The following PDCD5 variants were observed in gnomAD, a reference collection of about 807,000 sequenced individuals.
PDCD5 encodes programmed cell death 5.
In PDCD5, 23 loss-of-function variants were observed where a neutral mutation model predicts 21.9. That is an observed-to-expected ratio of 1.05 (90% confidence interval 0.76 to 1.49). PDCD5 has a LOEUF of 1.49. PDCD5 is among the 40% of genes most tolerant of loss of function. The pLI is 0.00. For missense variants in PDCD5, 152 were observed against 147.7 expected (o/e 1.03, Z -0.15); for synonymous variants, 45 against 49.4 (o/e 0.91, Z 0.37).
intron 2 of PDCD5, among the ~76,000 whole-genome samples, chr19:32,584,022 G>A (rs1210448828): frequency 6.6e-6 from 1 of 151,758 alleles, no homozygotes; most frequent in African/African-American, 2.4e-5. Context: ...AGTAGAGATG[G>A]GGTTTCACCA....
rs966082130 is a variant in PDCD5, at chr19:32,586,492, G to A, written c.259-366G>A. 3 of 1,099,662 alleles carry A rather than the reference G, an allele frequency of 2.7e-6. No homozygotes were observed. The African/African-American group carries it at 4.9e-5, about 18-fold the overall frequency. 68.1% of individuals were successfully genotyped at this position (1,099,662 alleles called of 1,614,324 possible). ...GAGTGTGACTTACCTCCTTCAAGGG[G>A]ATGTTTAAGCTTCTCGGGCAGAAGT... On this transcript the variant is annotated intron_variant, in intron 4 of 5. Coordinates refer to ENST00000590247, the MANE Select transcript of PDCD5 (RefSeq NM_004708.4).
rs1401500572 is a variant in PDCD5, at chr19:32,586,659, G to A, written c.259-199G>A. 2.3e-6 allele frequency: 3 copies of A among 1,300,420 alleles called. No individual in the cohort carries two copies. In the African/African-American group the frequency reaches 4.6e-5, roughly 20 times the overall value. 80.6% of individuals were successfully genotyped at this position (1,300,420 alleles called of 1,614,324 possible). On this transcript the variant is annotated intron_variant, in intron 4 of 5. Transcript: ENST00000590247. Reference sequence around the variant, plus strand: ...ATGGATACTTCCCCCTCCTTCTCAAGTGAGGAATAGCAGAGCAAATTTTAT... The same window carrying A: ...ATGGATACTTCCCCCTCCTTCTCAAATGAGGAATAGCAGAGCAAATTTTAT...
intron 2 of PDCD5, 57 bp from the exon 3 acceptor site, chr19:32,584,893 A>G (rs1971461425): frequency 7.9e-6 from 11 of 1,389,968 alleles, no homozygotes; most frequent in Admixed American, 1.7e-5. Context: ...CTCGTATGTT[A>G]CATGGGAATG....
chr19:32,582,173 AATTT>A lies in PDCD5; in HGVS notation c.67-20_67-17del. Reference sequence around the variant, plus strand: ...CGCCTCCCGTGAAATTTCTCTATTAAATTTAAGTTTTTTTTTTCCAGGATCCTGG... The same window carrying A: ...CGCCTCCCGTGAAATTTCTCTATTAAAAGTTTTTTTTTTCCAGGATCCTGG... On this transcript the variant is annotated intron_variant, in intron 1 of 5. Transcript: ENST00000590247. 1 of 1,599,204 alleles carries A rather than the reference AATTT, an allele frequency of 6.3e-7. No individual in the cohort carries two copies. The highest frequency in any genetic ancestry group is 8.6e-7 in the Non-Finnish European group (1 of 1,168,308).
intron 2 of PDCD5, among the ~76,000 whole-genome samples, chr19:32,582,706 T>A (rs1222673608): frequency 2.6e-5 from 4 of 152,236 alleles, no homozygotes; most frequent in African/African-American, 9.6e-5. Flanking sequence ...AAATTGTGGT[T>A]AAATAAAATT....
intron 1 of PDCD5, chr19:32,581,573 C>T (rs998696503): frequency 1.1e-5 from 4 of 354,602 alleles, no homozygotes; most frequent in Non-Finnish European, 2.0e-5. Flanking sequence ...GTGTGGGGTC[C>T]CCTAGCCTGG....
At chr19:32,586,445 G>A in intron 4 of PDCD5, 1 of 1,117,976 alleles carries the variant, frequency 8.9e-7, no homozygotes, top group African/African-American at 1.6e-5. Flanking sequence ...GTGGGAGAGA[G>A]CTGGTTGGGT....
Position 32,587,390 on chromosome 19 carries a change from C to T in PDCD5, c.*90C>T. On this transcript the variant is annotated 3_prime_UTR_variant, in exon 6 of 6. Coordinates refer to ENST00000590247, the MANE Select transcript of PDCD5 (RefSeq NM_004708.4). ...ATTTACTTTGTTTATTGTCTATATG[C>T]CTTTTAAAAAAATAAACTTGTTATG... 1 of 824,594 alleles carries T rather than the reference C, an allele frequency of 1.2e-6. No individual in the cohort carries two copies. The highest frequency in any genetic ancestry group is 2.8e-5 in the East Asian group (1 of 36,318). 51.1% of individuals were successfully genotyped at this position (824,594 alleles called of 1,614,324 possible). A position where few individuals can be genotyped will look rare whatever the true frequency, so the allele number is the denominator to read the frequency against.
chr19:32,586,205 A>G (rs1971474828), intron 4 of PDCD5: 1 of 1,443,962 alleles, frequency 6.9e-7, no homozygotes, highest in Non-Finnish European at 9.0e-7. Flanking sequence ...CAGTAACACC[A>G]ATTAAAATAC....
In PDCD5 at chr19:32,587,321, A is replaced by G. The variant is rs370281361; in HGVS notation, c.*21A>G. ...ATTGAACTACAAGTGCTCACAGACT[A>G]GAACTTAACGGAACAAGTCTAGGAC... On this transcript the variant is annotated 3_prime_UTR_variant, in exon 6 of 6. Transcript: ENST00000590247. 168 of 1,556,296 alleles carry G rather than the reference A, an allele frequency of 1.1e-4. No individual in the cohort carries two copies. The African/African-American group carries it at 2.2e-3, about 20-fold the overall frequency.
chr19:32,586,934 G>A lies in PDCD5; in HGVS notation c.330+5G>A. The A allele has an allele frequency of 6.2e-7, 1 of 1,606,312 alleles. No homozygotes were observed. Among genetic ancestry groups the A allele is most frequent in the Non-Finnish European group, 8.5e-7 (1 of 1,174,550 alleles). ...GAAAAGACAACAACAGTGAAAGTAA[G>A]TGTCCCCAGATGCTTGTGGCAAATG... is the stretch of plus-strand genomic sequence containing the variant. On this transcript the variant is annotated splice_donor_5th_base_variant and intron_variant, in intron 5 of 5. Coordinates refer to ENST00000590247, the MANE Select transcript of PDCD5 (RefSeq NM_004708.4).
chr19:32,584,354 GAAAC>G (rs1212378535), intron 2 of PDCD5, among the ~76,000 whole-genome samples: 1 of 152,158 alleles, frequency 6.6e-6, no homozygotes, highest in African/African-American at 2.4e-5. Context: ...AAAGAAAAAA[GAAAC>G]AAGTCCATGA....
At position 32,582,250 on chromosome 19, in the gene PDCD5, G is replaced by T. The variant is rs1240073656; in HGVS notation, c.104+18G>T. ...AAGCACAGGTATGGGCTGGAAACGTGAACTTTTTGAAGGGTGGTTTCACCA... is the reference window on the plus strand; with the variant it reads ...AAGCACAGGTATGGGCTGGAAACGTTAACTTTTTGAAGGGTGGTTTCACCA... On this transcript the variant is annotated intron_variant, in intron 2 of 5. Transcript: ENST00000590247. 5 of 1,602,546 alleles carry T rather than the reference G, an allele frequency of 3.1e-6. No individual in the cohort carries two copies. Among genetic ancestry groups the T allele is most frequent in the African/African-American group, 1.3e-5 (1 of 74,662 alleles).
intron 4 of PDCD5, chr19:32,586,404 CCCTAAA>C: frequency 8.5e-7 from 1 of 1,170,820 alleles, no homozygotes; most frequent in Non-Finnish European, 1.1e-6. Flanking sequence ...TGGTCCTGTC[CCCTAAA>C]CCCCTCACAC....
chr19:32,586,322 C>T, intron 4 of PDCD5: 1 of 1,319,472 alleles, frequency 7.6e-7, no homozygotes, highest in Non-Finnish European at 9.7e-7. Context: ...TGTGGCAAAC[C>T]TGGCCTTTGA....
rs1479697152 is a variant in PDCD5 at position 32,581,353 on chromosome 19, T to C, written c.66+26T>C. On this transcript the variant is annotated intron_variant, in intron 1 of 5. Coordinates refer to ENST00000590247, the MANE Select transcript of PDCD5 (RefSeq NM_004708.4). ...GTGAGCGCATCAGCCCCCGCCAGGC[T>C]TGGCCCTCGCGGGGCGCCGCCCTCG... The C allele has an allele frequency of 3.4e-6, 5 of 1,460,864 alleles. No individual in the cohort carries two copies. In the African/African-American group the frequency reaches 5.8e-5, roughly 17 times the overall value. 90.5% of individuals were successfully genotyped at this position (1,460,864 alleles called of 1,614,324 possible).
rs1355973319 is a variant in PDCD5, at chr19:32,586,852, TC to T, written c.259-4del. ...CTGTTTTTCTTATCTTTTCTGGTTCTCCTAGGTATCAGAACAAGGTTTAATA... is the reference window on the plus strand; with the variant it reads ...CTGTTTTTCTTATCTTTTCTGGTTCTCTAGGTATCAGAACAAGGTTTAATA... On this transcript the variant is annotated splice_polypyrimidine_tract_variant and splice_region_variant and intron_variant, in intron 4 of 5. Coordinates refer to ENST00000590247, the MANE Select transcript of PDCD5 (RefSeq NM_004708.4). 1 of 1,601,208 alleles carries T rather than the reference TC, an allele frequency of 6.2e-7. No homozygotes were observed. Among genetic ancestry groups the T allele is most frequent in the African/African-American group, 1.4e-5 (1 of 74,040 alleles).
Position 32,587,282 on chromosome 19 carries a change from T to G in PDCD5, c.360T>G (p.Asp120Glu). Reference sequence around the variant, plus strand: ...ACAGAAGAAAAGTAATGGACTCTGATGAAGATGACGATTATTGAACTACAA... The same window carrying G: ...ACAGAAGAAAAGTAATGGACTCTGAGGAAGATGACGATTATTGAACTACAA... The part of the protein sequence containing the change: ...KFNRRKVMDS[D>E]EDDDY The change falls in exon 6 of 6, where the codon GAT (aspartate) becomes GAG (glutamate). Residue 120 changes from aspartate to glutamate, a missense_variant. By Grantham distance (45) the Asp-to-Glu change is conservative. Coordinates refer to ENST00000590247, the MANE Select transcript of PDCD5 (RefSeq NM_004708.4). 6.2e-7 allele frequency: 1 copy of G among 1,607,944 alleles called. No homozygotes were observed.
intron 1 of PDCD5, 46 bp from the exon 2 acceptor site, chr19:32,582,149 G>T: frequency 1.4e-6 from 2 of 1,428,492 alleles, no homozygotes; most frequent in Non-Finnish European, 2.0e-6. Context: ...TTTTCCCGCC[G>T]CCTCCCGTGA....
Sources: gnomAD v4.1 joint callset for allele counts (sites outside exome capture counted in the v4.1 genomes callset) on GRCh38, gnomAD v4.1.1 for gene constraint, MANE v1.5 for transcripts, NCBI Gene and HGNC (gene_info 2026-07-23, HGNC 2026-07-21) for gene names.